The following RTCB variants were observed in gnomAD, a reference collection of about 807,000 sequenced individuals.
RTCB encodes RNA-splicing ligase RTCB.
In RTCB, 32 loss-of-function variants were observed where a neutral mutation model predicts 58.2. That is an observed-to-expected ratio of 0.55 (90% CI 0.41 to 0.74). The LOEUF (loss-of-function observed/expected upper bound fraction) is 0.74. Among genes scored for constraint, RTCB ranks in the 30% least tolerant of loss-of-function variants. The pLI is 0.00. For synonymous variants in RTCB, 247 were observed against 218.6 expected (o/e 1.13, Z -1.15); for missense variants, 523 against 639.0 (o/e 0.82, Z 1.96).
At chr22:32,403,116 G>A (rs187484031) in intron 4 of RTCB, among the ~76,000 whole-genome samples, 91 of 152,126 alleles carry the variant, frequency 6.0e-4, no homozygotes, top group African/African-American at 2.1e-3. Flanking sequence ...AATAAAAACT[G>A]TATATATTGG....
chr22:32,396,114 G>A lies in RTCB; in HGVS notation c.950C>T (p.Ala317Val). 6.2e-7 allele frequency: 1 copy of A among 1,614,116 alleles called. No homozygotes were observed. The highest frequency in any genetic ancestry group is 8.5e-7 in the Non-Finnish European group (1 of 1,180,014). ...GGTCATGGAAGAGCGGTTGACCCAG[G>A]CATAGTTCCCAGCAGCTGCCATTCC... The part of the protein sequence containing the change: ...LKGMAAAGNY[A>V]WVNRSSMTFL... Residue 317 changes from alanine (A) to valine (V), a missense_variant, in exon 8 of 12, where the codon GCC becomes GTC. By Grantham distance (64) the Ala-to-Val change is moderately conservative. Around this residue, in one of 3 missense-constraint regions of RTCB, gnomAD observed 248 missense variants for 292.5 expected, o/e 0.85. Transcript: ENST00000216038.
intron 1 of RTCB, 85 bp from the exon 2 acceptor site, chr22:32,408,918 T>A: frequency 1.1e-6 from 1 of 898,088 alleles, no homozygotes; most frequent in Non-Finnish European, 1.8e-6. Context: ...TATGCAATAT[T>A]TACTGTGCTT....
chr22:32,407,182 G>T (rs764995944), intron 3 of RTCB: 1 of 176,806 alleles, frequency 5.7e-6, no homozygotes, highest in Non-Finnish European at 1.2e-5. Context: ...TCCATTTGAT[G>T]GTATAAATAC....
intron 11 of RTCB, 101 bp from the exon 12 acceptor site, chr22:32,388,200 TACAG>T (rs1319786532): frequency 1.5e-6 from 1 of 684,278 alleles, no homozygotes; most frequent in Non-Finnish European, 2.5e-6. Flanking sequence ...ACTAAAATAA[TACAG>T]AGAGTTTTTT....
In RTCB at chr22:32,387,915, G is replaced by A; in HGVS notation, c.*77C>T. ...TTGCAACTTGTCCCGCCTTGAGTCTGATGTCAGAAGAGCATGTCAGTCCAC... is the reference window on the plus strand; with the variant it reads ...TTGCAACTTGTCCCGCCTTGAGTCTAATGTCAGAAGAGCATGTCAGTCCAC... On this transcript the variant is annotated 3_prime_UTR_variant, in exon 12 of 12. Coordinates refer to ENST00000216038, the MANE Select transcript of RTCB (RefSeq NM_014306.5). 1 of 964,314 alleles carries A rather than the reference G, an allele frequency of 1.0e-6. No homozygotes were observed. The highest frequency in any genetic ancestry group is 1.8e-5 in the Admixed American group (1 of 55,492). The allele number at this position is 964,314 out of a possible 1,614,324, so 59.7% of individuals were successfully genotyped here. A position where few individuals can be genotyped will look rare whatever the true frequency, so the allele number is the denominator to read the frequency against.
intron 3 of RTCB, among the ~76,000 whole-genome samples, chr22:32,407,051 T>A (rs1933437700): frequency 6.6e-6 from 1 of 151,456 alleles, no homozygotes; most frequent in Admixed American, 6.5e-5. Context: ...CTAAGTTTAA[T>A]GTACTATTAC....
chr22:32,395,114 T>C lies in RTCB; in HGVS notation c.1091A>G (p.Asp364Gly). ...NIAKVEQHVVDGKERTLLVHR... is the reference protein window; with the variant it reads ...NIAKVEQHVVGGKERTLLVHR... ...TACTAACAGTGTCCGTTCCTTTCCGTCCACCACATGCTGCTCCACTTTGGC... is the reference window on the plus strand; with the variant it reads ...TACTAACAGTGTCCGTTCCTTTCCGCCCACCACATGCTGCTCCACTTTGGC... Residue 364 changes from aspartate (D) to glycine (G), a missense_variant, in exon 9 of 12, where the codon GAC (aspartate) becomes GGC (glycine). Asp to Gly is a moderately conservative substitution (Grantham distance 94). Around this residue, in one of 3 missense-constraint regions of RTCB, gnomAD observed 248 missense variants for 292.5 expected, o/e 0.85. Coordinates refer to ENST00000216038, the MANE Select transcript of RTCB (RefSeq NM_014306.5). 1 of 1,614,178 alleles carries C rather than the reference T, an allele frequency of 6.2e-7. No homozygotes were observed. Among genetic ancestry groups the C allele is most frequent in the Non-Finnish European group, 8.5e-7 (1 of 1,180,046 alleles).
chr22:32,411,177 GGAGT>G (rs1933516737), intron 1 of RTCB, among the ~76,000 whole-genome samples: 1 of 152,206 alleles, frequency 6.6e-6, no homozygotes, highest in African/African-American at 2.4e-5. Context: ...ATAAAAGAAT[GGAGT>G]GACTATTGGG....
In RTCB at chr22:32,387,957, G is replaced by T; in HGVS notation, c.*35C>A. On this transcript the variant is annotated 3_prime_UTR_variant, in exon 12 of 12. Coordinates refer to ENST00000216038, the MANE Select transcript of RTCB (RefSeq NM_014306.5). ...TCAGTCCACTTCCACTTCAGAGAGG[G>T]TTGGTGGTGTCAGGCAGCCCTGCTG... 1 of 1,333,516 alleles carries T rather than the reference G, an allele frequency of 7.5e-7. No homozygotes were observed. The highest frequency in any genetic ancestry group is 1.1e-6 in the Non-Finnish European group (1 of 925,054). The allele number at this position is 1,333,516 out of a possible 1,614,324, so 82.6% of individuals were successfully genotyped here.
At chr22:32,389,461 A>G (rs182349994) in intron 11 of RTCB, among the ~76,000 whole-genome samples, 12 of 152,272 alleles carry the variant, frequency 7.9e-5, no homozygotes, top group African/African-American at 2.9e-4. Context: ...GACTACAGGC[A>G]TGTGCCACTG....
chr22:32,395,249 A>C, intron 8 of RTCB, 35 bp from the exon 9 acceptor site: 1 of 1,581,652 alleles, frequency 6.3e-7, no homozygotes, highest in Non-Finnish European at 8.7e-7. Context: ...AGCAGCCAGA[A>C]CTTCAGGACT....
Position 32,408,874 on chromosome 22 carries a change from C to A in RTCB, c.94-41G>T, listed in dbSNP as rs181227765. 17 of 1,422,566 alleles carry A rather than the reference C, an allele frequency of 1.2e-5. No homozygotes were observed. In the Admixed American group the frequency reaches 2.7e-4, roughly 22 times the overall value. The allele number at this position is 1,422,566 out of a possible 1,614,324, so 88.1% of individuals were successfully genotyped here. A position where few individuals can be genotyped will look rare whatever the true frequency, so the allele number is the denominator to read the frequency against. On this transcript the variant is annotated intron_variant, in intron 1 of 11. Transcript: ENST00000216038. Reference sequence around the variant, plus strand: ...GTGAAAAGCAATGTCTGAGTACATGCGCGGCAAGTGTAGGCACTGGACAGA... The same window carrying A: ...GTGAAAAGCAATGTCTGAGTACATGAGCGGCAAGTGTAGGCACTGGACAGA...
chr22:32,397,643 T>C (rs1335137798), intron 7 of RTCB, among the ~76,000 whole-genome samples: 5 of 152,250 alleles, frequency 3.3e-5, no homozygotes, highest in African/African-American at 4.8e-5. Context: ...CTTGGCCAGA[T>C]AGTAACTCAT....
intron 10 of RTCB, among the ~76,000 whole-genome samples, chr22:32,393,299 T>C (rs964618512): frequency 6.6e-6 from 1 of 152,218 alleles, no homozygotes; most frequent in Non-Finnish European, 1.5e-5. Flanking sequence ...GCTTCTGCAC[T>C]GAAATGGCAT....
chr22:32,404,162 T>C (rs1346780981), intron 4 of RTCB, among the ~76,000 whole-genome samples: 1 of 152,234 alleles, frequency 6.6e-6, no homozygotes, highest in Non-Finnish European at 1.5e-5. Context: ...TTCATTTCCT[T>C]TGGATATACA....
intron 9 of RTCB, among the ~76,000 whole-genome samples, chr22:32,394,329 T>C (rs1381160803): frequency 6.6e-6 from 1 of 152,116 alleles, no homozygotes; most frequent in Non-Finnish European, 1.5e-5. Context: ...GCCAGGATGG[T>C]CTCGATCTCC....
chr22:32,391,447 G>A (rs1933153341), intron 11 of RTCB, among the ~76,000 whole-genome samples: 2 of 148,766 alleles, frequency 1.3e-5, no homozygotes, highest in South Asian at 4.2e-4. Context: ...CTAGGCTGGA[G>A]TGCAGTGGCA....
At chr22:32,401,668 G>T in intron 5 of RTCB, 79 bp downstream of exon 5, 1 of 1,460,024 alleles carries the variant, frequency 6.8e-7, no homozygotes, top group Non-Finnish European at 9.4e-7. Context: ...TCTCTCAAGT[G>T]TACTGCACTG....
chr22:32,390,511 C>T (rs1027679949), intron 11 of RTCB, among the ~76,000 whole-genome samples: 5 of 151,524 alleles, frequency 3.3e-5, no homozygotes, highest in East Asian at 1.9e-4. Context: ...TGCAGTAGCG[C>T]GATCTCGGCT....
Sources: allele counts gnomAD v4.1 joint callset (sites outside exome capture counted in the v4.1 genomes callset), GRCh38; gene constraint gnomAD v4.1.1; regional missense constraint gnomAD v4.1.1; transcripts MANE v1.5; gene names NCBI Gene and HGNC (gene_info 2026-07-23, HGNC 2026-07-21).